Variants in HDAC9 observed in about 807,000 individuals in gnomAD.
HDAC9 encodes histone deacetylase 9.
In HDAC9, 41 loss-of-function variants were observed where a neutral mutation model predicts 139.4. The ratio of observed to expected loss-of-function variants is 0.29; its 90% CI spans 0.23 to 0.38. The LOEUF is 0.38. Among genes scored for constraint, HDAC9 ranks in the 10% least tolerant of loss-of-function variants. HDAC9 has a pLI of 1.00. For missense variants in HDAC9, 1,147 were observed against 1,297.0 expected, an observed-to-expected ratio of 0.88 and a Z score of 1.78; for synonymous variants, 517 against 476.2, an observed-to-expected ratio of 1.09 and a Z score of -1.12.
At chr7:18,640,519 C>G (rs1183235525) in intron 8 of HDAC9, among the ~76,000 whole-genome samples, 1 of 150,782 alleles carries the variant, frequency 6.6e-6, no homozygotes, top group African/African-American at 2.4e-5. Flanking sequence ...TCCTTTTTTC[C>G]CTGCCTCCCT....
intron 17 of HDAC9, among the ~76,000 whole-genome samples, chr7:18,826,483 T>A (rs1194917239): frequency 1.3e-5 from 2 of 152,170 alleles, no homozygotes; most frequent in African/African-American, 2.4e-5. Context: ...AGAAAAAGTT[T>A]GTTGATTTTG....
chr7:18,844,084 C>A (rs998193878), intron 21 of HDAC9, among the ~76,000 whole-genome samples: 59 of 152,156 alleles, frequency 3.9e-4, no homozygotes, highest in African/African-American at 1.3e-3. Context: ...ATAGATGGAA[C>A]TTATAAATCA....
chr7:18,252,193 C>T (rs1006737028), intron 2 of HDAC9, among the ~76,000 whole-genome samples: 3 of 152,108 alleles, frequency 2.0e-5, no homozygotes, highest in African/African-American at 7.2e-5. Flanking sequence ...TTGCCATCTA[C>T]AAGAGAAATG....
chr7:18,578,346 G>C (rs1250275374), intron 2 of HDAC9, among the ~76,000 whole-genome samples: 1 of 152,168 alleles, frequency 6.6e-6, no homozygotes. Context: ...GCTCTACTGA[G>C]CAGAGGCGAT....
chr7:18,647,829 G>A lies in HDAC9; in HGVS notation c.1080G>A (p.Thr360=), dbSNP rs183896385. ...LKEKQKCETQ[T]LRQGVPLPGQ... is the part of the protein sequence containing the mutation. The stretch of plus-strand genomic sequence containing the variant: ...AAAAGCAGAAGTGTGAGACGCAGAC[G>A]CTTAGGCAAGGTGTTCCTCTGCCTG... Residue 360 remains threonine (T), a synonymous_variant, in exon 10 of 26, where the codon ACG becomes ACA. Coordinates refer to ENST00000686413, the MANE Select transcript of HDAC9 (RefSeq NM_178425.4). 2.7e-5 allele frequency: 44 copies of A among 1,612,168 alleles called. No individual in the cohort carries two copies. Among genetic ancestry groups the A allele is most frequent in the South Asian group, 7.7e-5 (7 of 90,800 alleles).
At chr7:18,465,124 T>C (rs1794162472) in intron 1 of HDAC9, among the ~76,000 whole-genome samples, 1 of 152,084 alleles carries the variant, frequency 6.6e-6, no homozygotes. Flanking sequence ...TTTTACCTGA[T>C]ACGCCATTAT....
intron 21 of HDAC9, among the ~76,000 whole-genome samples, chr7:18,857,703 T>C (rs568569418): frequency 1.1e-3 from 169 of 152,254 alleles, no homozygotes; most frequent in Non-Finnish European, 2.0e-3. Flanking sequence ...CCTGACATTA[T>C]GAAATCTAGC....
chr7:18,269,779 T>C (rs925313113), intron 2 of HDAC9, among the ~76,000 whole-genome samples: 2 of 152,000 alleles, frequency 1.3e-5, no homozygotes, highest in Non-Finnish European at 2.9e-5. Flanking sequence ...TACACACACA[T>C]ATATATGCAT....
chr7:18,287,569 G>T (rs1275360683), upstream of HDAC9, among the ~76,000 whole-genome samples: 2 of 152,152 alleles, frequency 1.3e-5, no homozygotes, highest in Non-Finnish European at 2.9e-5. Flanking sequence ...GATAGATGGG[G>T]ATTCTGTGCT....
intron 1 of HDAC9, among the ~76,000 whole-genome samples, chr7:18,423,107 T>G (rs1289907020): frequency 2.0e-5 from 3 of 152,238 alleles, no homozygotes; most frequent in Non-Finnish European, 4.4e-5. Flanking sequence ...TACTTGTTTT[T>G]GTTTTTACAG....
In HDAC9 at chr7:18,110,445, A is replaced by G. The variant is rs182350311; in HGVS notation, c.-97+23232A>G. On this transcript the variant is annotated intron_variant, in intron 1 of 12. Transcript: ENST00000417496. ...GAACCTTGAATACCACATGAACAAT[A>G]GAGATATTCCAGGCAGAGAGAAGTA... Among the ~76,000 whole-genome samples the G allele has an allele frequency of 7.9e-5, 12 of 152,340 alleles. No homozygotes were observed. The East Asian group carries it at 2.3e-3, about 29-fold the overall frequency.
chr7:18,193,276 T>C (rs746156949), intron 2 of HDAC9, among the ~76,000 whole-genome samples: 5 of 152,148 alleles, frequency 3.3e-5, no homozygotes, highest in Non-Finnish European at 7.4e-5. Flanking sequence ...AATAATCTAA[T>C]ACATTTCATC....
At chr7:18,810,612 CCTGA>C (rs753065991) in intron 17 of HDAC9, among the ~76,000 whole-genome samples, 3 of 151,850 alleles carry the variant, frequency 2.0e-5, no homozygotes, top group East Asian at 1.9e-4. Context: ...AATGTCTATA[CCTGA>C]CTATCACCAC....
intron 1 of HDAC9, among the ~76,000 whole-genome samples, chr7:18,422,528 G>A (rs922312224): frequency 1.3e-5 from 2 of 152,152 alleles, no homozygotes; most frequent in East Asian, 3.9e-4. Context: ...AATAGTGGTG[G>A]TCTCTAAAGA....
intron 25 of HDAC9, among the ~76,000 whole-genome samples, chr7:18,995,435 G>A (rs1548578): frequency 0.038 from 5,846 of 152,250 alleles, 353 homozygotes; most frequent in African/African-American, 0.13. Context: ...TTTTGCCTGC[G>A]CAGAATACCC....
intron 1 of HDAC9, among the ~76,000 whole-genome samples, chr7:18,353,055 A>C (rs1381997267): frequency 6.6e-6 from 1 of 152,184 alleles, no homozygotes; most frequent in Admixed American, 6.5e-5. Context: ...TCTCATAACC[A>C]TACTGACCTT....
intron 2 of HDAC9, among the ~76,000 whole-genome samples, chr7:18,254,913 G>A (rs1795135479): frequency 6.6e-6 from 1 of 152,012 alleles, no homozygotes; most frequent in African/African-American, 2.4e-5. Flanking sequence ...AACCAAAACT[G>A]AAAAATGTAG....
intron 3 of HDAC9, among the ~76,000 whole-genome samples, chr7:18,588,715 T>C (rs1830113364): frequency 6.6e-6 from 1 of 152,048 alleles, no homozygotes; most frequent in Non-Finnish European, 1.5e-5. Flanking sequence ...TGTGCTTATG[T>C]GGGGGAATCT....
At chr7:18,524,501 C>T (rs908652295) in intron 2 of HDAC9, among the ~76,000 whole-genome samples, 1 of 152,082 alleles carries the variant, frequency 6.6e-6, no homozygotes, top group African/African-American at 2.4e-5. Context: ...GACAATCATA[C>T]AACATGTACA....
Sources: allele counts gnomAD v4.1 joint callset (sites outside exome capture counted in the v4.1 genomes callset), GRCh38; gene constraint gnomAD v4.1.1; transcripts MANE v1.5; gene names NCBI Gene and HGNC (gene_info 2026-07-23, HGNC 2026-07-21).